The following JARID2 variants were observed in gnomAD, a reference collection of about 807,000 sequenced individuals.
JARID2 encodes protein Jumonji.
In JARID2, 21 loss-of-function variants were observed where a neutral mutation model predicts 125.6. That is an observed-to-expected ratio of 0.17 (90% CI 0.12 to 0.24). JARID2 has a LOEUF of 0.24. Ranked by LOEUF, JARID2 falls within the 10% of genes least tolerant of loss-of-function variation. The probability of loss-of-function intolerance (pLI) is 1.00; values close to 1 mark genes in which losing one functional copy is unlikely to be tolerated. For synonymous variants in JARID2, 736 were observed against 661.6 expected, an observed-to-expected ratio of 1.11 and a Z score of -1.73; for missense variants, 1,303 against 1,639.6, an observed-to-expected ratio of 0.79 and a Z score of 3.55.
At chr6:15,435,814 G>A (rs1767176157) in intron 3 of JARID2, among the ~76,000 whole-genome samples, 1 of 151,864 alleles carries the variant, frequency 6.6e-6, no homozygotes, top group Non-Finnish European at 1.5e-5. Context: ...CCTTGAGGAT[G>A]AATTCCAAAT....
chr6:15,521,269 A>T lies in JARID2; in HGVS notation c.*1018A>T, dbSNP rs973213405. The T allele has an allele frequency of 1.3e-5, 2 of 152,002 alleles. No homozygotes were observed. Among genetic ancestry groups the T allele is most frequent in the Non-Finnish European group, 2.9e-5 (2 of 68,078 alleles). 9.4% of individuals were successfully genotyped at this position (152,002 alleles called of 1,614,324 possible). A position where few individuals can be genotyped will look rare whatever the true frequency, so the allele number is the denominator to read the frequency against. ...GAGAGCCACTAGGAGGCCTGCAGTTATTTTTGAATGTGAAAATGCATTTGC... is the reference window on the plus strand; with the variant it reads ...GAGAGCCACTAGGAGGCCTGCAGTTTTTTTTGAATGTGAAAATGCATTTGC... On this transcript the variant is annotated 3_prime_UTR_variant, in exon 18 of 18. Coordinates refer to ENST00000341776, the MANE Select transcript of JARID2 (RefSeq NM_004973.4).
chr6:15,442,142 C>T (rs889021607), intron 3 of JARID2, among the ~76,000 whole-genome samples: 24 of 151,230 alleles, frequency 1.6e-4, no homozygotes, highest in African/African-American at 4.9e-4. Context: ...ACAGGATTCT[C>T]GCCTCACAGG....
intron 1 of JARID2, among the ~76,000 whole-genome samples, chr6:15,285,566 T>C (rs948106875): frequency 1.3e-5 from 2 of 151,144 alleles, no homozygotes; most frequent in Admixed American, 1.3e-4. Context: ...AAAAAATACA[T>C]ATATATATAT....
chr6:15,246,724 G>T (rs1581315338), intron 1 of JARID2, 140 bp downstream of exon 1: 1 of 767,510 alleles, frequency 1.3e-6, no homozygotes. Flanking sequence ...CTGAAAGAGG[G>T]CTTTTCAAGC....
chr6:15,349,606 G>A (rs1463342697), intron 1 of JARID2, among the ~76,000 whole-genome samples: 1 of 152,128 alleles, frequency 6.6e-6, no homozygotes, highest in East Asian at 1.9e-4. Context: ...CTCATCACGC[G>A]TGAGGAGCTC....
chr6:15,422,823 T>C (rs1369033607), intron 3 of JARID2, among the ~76,000 whole-genome samples: 1 of 152,310 alleles, frequency 6.6e-6, no homozygotes, highest in East Asian at 1.9e-4. Flanking sequence ...ACTGCTTATG[T>C]GACTCTGTTT....
intron 1 of JARID2, among the ~76,000 whole-genome samples, chr6:15,350,438 C>G (rs895859453): frequency 7.9e-5 from 12 of 152,174 alleles, no homozygotes; most frequent in South Asian, 4.1e-4. Flanking sequence ...AGGTGTTCGT[C>G]TTCATTAGTA....
chr6:15,366,361 C>T (rs752156946), intron 1 of JARID2, among the ~76,000 whole-genome samples: 5 of 151,672 alleles, frequency 3.3e-5, no homozygotes, highest in Non-Finnish European at 5.9e-5. Context: ...GGCTGTTGTT[C>T]AGATCCACCA....
chr6:15,438,743 C>CT (rs562088523), intron 3 of JARID2, among the ~76,000 whole-genome samples: 135 of 152,256 alleles, frequency 8.9e-4, no homozygotes, highest in African/African-American at 3.1e-3. Flanking sequence ...AAATCCCTTA[C>CT]TGTGGCCATG....
chr6:15,274,039 CT>C (rs777293470), intron 1 of JARID2, among the ~76,000 whole-genome samples: 2 of 151,946 alleles, frequency 1.3e-5, no homozygotes, highest in Non-Finnish European at 2.9e-5. Context: ...AGTGATTCTC[CT>C]GCCTCAGCCT....
Position 15,350,999 on chromosome 6 carries a change from TA to T in JARID2, c.46-23105del, listed in dbSNP as rs368641063. On this transcript the variant is annotated intron_variant, in intron 1 of 17. Transcript: ENST00000341776. ...CCTTGTACTGAAAGAGATTTCAAAG[TA>T]AAAAAAAAAAAAGCAGATATCTTGG... Among the ~76,000 whole-genome samples, 1,215 of 136,434 alleles carry T rather than the reference TA, an allele frequency of 8.9e-3. 5 individuals carry two copies. The highest frequency in any genetic ancestry group is 0.015 in the African/African-American group (550 of 37,158). 89.5% of individuals were successfully genotyped at this position (136,434 alleles called of 152,430 possible).
At chr6:15,269,157 C>G (rs547066835) in intron 1 of JARID2, among the ~76,000 whole-genome samples, 13 of 152,190 alleles carry the variant, frequency 8.5e-5, no homozygotes, top group South Asian at 6.2e-4. Context: ...GGAGGAAAAC[C>G]GTTAAATAGC....
At chr6:15,369,654 G>C (rs1461416860) in intron 1 of JARID2, among the ~76,000 whole-genome samples, 1 of 152,226 alleles carries the variant, frequency 6.6e-6, no homozygotes, top group East Asian at 1.9e-4. Flanking sequence ...TAGTTGACTT[G>C]AACATATGAT....
At chr6:15,275,515 C>A in intron 1 of JARID2, among the ~76,000 whole-genome samples, 1 of 59,900 alleles carries the variant, frequency 1.7e-5, no homozygotes, top group Non-Finnish European at 3.4e-5. Context: ...TAATTAAAGT[C>A]CATTTACCGC....
Position 15,496,254 on chromosome 6 carries a change from G to T in JARID2, c.1029G>T (p.Thr343=). ...CTGTGAAGTACACTGCCACGGTGAC[G>T]AAGGGGGCTGTCACATACACCAAAG... The part of the protein sequence containing the change: ...SKTVKYTATV[T]KGAVTYTKAK... Residue 343 remains threonine, a synonymous_variant, in exon 7 of 18, where the codon ACG becomes ACT. Coordinates refer to ENST00000341776, the MANE Select transcript of JARID2 (RefSeq NM_004973.4). 6.2e-7 allele frequency: 1 copy of T among 1,614,170 alleles called. No homozygotes were observed. The highest frequency in any genetic ancestry group is 8.5e-7 in the Non-Finnish European group (1 of 1,180,036).
At chr6:15,477,882 C>T (rs1381613569) in intron 5 of JARID2, among the ~76,000 whole-genome samples, 1 of 152,148 alleles carries the variant, frequency 6.6e-6, no homozygotes, top group Non-Finnish European at 1.5e-5. Flanking sequence ...TTATGTATCT[C>T]AAATGCCTGG....
intron 1 of JARID2, among the ~76,000 whole-genome samples, chr6:15,370,738 C>T (rs1764137349): frequency 6.6e-6 from 1 of 152,150 alleles, no homozygotes; most frequent in Non-Finnish European, 1.5e-5. Context: ...AAGGATATTT[C>T]TTCTGGCCTT....
chr6:15,350,118 A>C (rs943295704), intron 1 of JARID2, among the ~76,000 whole-genome samples: 1 of 152,190 alleles, frequency 6.6e-6, no homozygotes. Context: ...CTGTTTTAAC[A>C]CGCGGCTGGA....
At chr6:15,443,754 AGAGAGCCTTAGCT>A (rs1211091654) in intron 3 of JARID2, among the ~76,000 whole-genome samples, 1 of 152,172 alleles carries the variant, frequency 6.6e-6, no homozygotes, top group African/African-American at 2.4e-5. Flanking sequence ...TTGGAGCTAG[AGAGAGCCTTAGCT>A]TCCCTTTTTA....
Sources: allele counts gnomAD v4.1 joint callset (sites outside exome capture counted in the v4.1 genomes callset), GRCh38; gene constraint gnomAD v4.1.1; transcripts MANE v1.5; gene names NCBI Gene and HGNC (gene_info 2026-07-23, HGNC 2026-07-21).